Variants in GABRA2 observed in about 807,000 individuals in gnomAD.
GABRA2 encodes gamma-aminobutyric acid type A receptor subunit alpha2, also known as gamma-aminobutyric acid receptor subunit alpha-2.
A neutral mutation model predicts 48.7 loss-of-function variants in GABRA2; 16 were observed. The ratio of observed to expected loss-of-function variants is 0.33; its 90% CI spans 0.22 to 0.50. GABRA2 has a LOEUF of 0.50. GABRA2 is among the 20% of genes least tolerant of loss of function. GABRA2 has a pLI of 0.98. For synonymous variants in GABRA2, 185 were observed against 184.5 expected (o/e 1.00, Z -0.02); for missense variants, 275 against 535.6 (o/e 0.51, Z 4.80).
intron 8 of GABRA2, among the ~76,000 whole-genome samples, chr4:46,298,180 G>A (rs913164734): frequency 6.6e-6 from 1 of 151,992 alleles, no homozygotes; most frequent in African/African-American, 2.4e-5. Context: ...ATGTTTCATG[G>A]TTCATTTGAG....
At chr4:46,280,917 G>T (rs556678617) in intron 8 of GABRA2, among the ~76,000 whole-genome samples, 230 of 152,294 alleles carry the variant, frequency 1.5e-3, no homozygotes, top group Non-Finnish European at 1.6e-3. Flanking sequence ...AACATAGAGA[G>T]ATGGTGACCA....
chr4:46,380,977 A>G (rs1560608594), intron 3 of GABRA2, among the ~76,000 whole-genome samples: 1 of 152,212 alleles, frequency 6.6e-6, no homozygotes, highest in East Asian at 1.9e-4. Context: ...ATTTTTAAGC[A>G]TAAAGCATCT....
chr4:46,262,299 T>C (rs1717138094), intron 8 of GABRA2, among the ~76,000 whole-genome samples, 171 bp from the exon 9 acceptor site: 2 of 152,094 alleles, frequency 1.3e-5, no homozygotes, highest in African/African-American at 4.8e-5. Flanking sequence ...TAAAGTTAAT[T>C]ATCTTAAATG....
intron 8 of GABRA2, among the ~76,000 whole-genome samples, chr4:46,290,979 T>TACCACCAC (rs897589200): frequency 1.6e-4 from 24 of 152,362 alleles, no homozygotes; most frequent in African/African-American, 5.8e-4. Flanking sequence ...TGGTTGGATT[T>TACCACCAC]ACATTGCTTG....
rs200132457 is a variant in GABRA2, at chr4:46,249,981, G to A, written c.*327C>T. On this transcript the variant is annotated 3_prime_UTR_variant, in exon 10 of 10. Transcript: ENST00000381620. ...CCTACTTAAGAGCTAAACCAAAAGG[G>A]TCCACAAAGGGTTGTACAGGATCCC... 4.7e-6 allele frequency: 1 copy of A among 211,402 alleles called. No individual in the cohort carries two copies. The highest frequency in any genetic ancestry group is 9.5e-6 in the Non-Finnish European group (1 of 105,740). 13.1% of individuals were successfully genotyped at this position (211,402 alleles called of 1,614,324 possible).
At chr4:46,257,000 G>C (rs1040487443) in intron 9 of GABRA2, among the ~76,000 whole-genome samples, 3 of 151,546 alleles carry the variant, frequency 2.0e-5, no homozygotes, top group African/African-American at 4.8e-5. Context: ...GCAATCTCAA[G>C]GAATTAAAGT....
At chr4:46,338,637 A>G (rs1373473529) in intron 3 of GABRA2, among the ~76,000 whole-genome samples, 1 of 151,876 alleles carries the variant, frequency 6.6e-6, no homozygotes, top group Non-Finnish European at 1.5e-5. Context: ...TCTGTCGTCC[A>G]TATGTGTGCC....
At chr4:46,350,007 A>T (rs1188643690) in intron 3 of GABRA2, among the ~76,000 whole-genome samples, 1 of 151,912 alleles carries the variant, frequency 6.6e-6, no homozygotes, top group Non-Finnish European at 1.5e-5. Context: ...ACCACCTATT[A>T]AGCATTTACT....
Position 46,249,979 on chromosome 4 carries a change from G to T in GABRA2, c.*329C>A. 4.8e-6 allele frequency: 1 copy of T among 206,752 alleles called. No homozygotes were observed. The allele number at this position is 206,752 out of a possible 1,614,324, so 12.8% of individuals were successfully genotyped here. Reference sequence around the variant, plus strand: ...CCCCTACTTAAGAGCTAAACCAAAAGGGTCCACAAAGGGTTGTACAGGATC... The same window carrying T: ...CCCCTACTTAAGAGCTAAACCAAAATGGTCCACAAAGGGTTGTACAGGATC... On this transcript the variant is annotated 3_prime_UTR_variant, in exon 10 of 10. Coordinates refer to ENST00000381620, the MANE Select transcript of GABRA2 (RefSeq NM_000807.4).
At chr4:46,289,913 A>ATTTATTTATTTTTAATTT (rs1723279517) in intron 8 of GABRA2, among the ~76,000 whole-genome samples, 1 of 111,846 alleles carries the variant, frequency 8.9e-6, no homozygotes, top group African/African-American at 6.1e-5. Flanking sequence ...ATTTATTTTT[A>ATTTATTTATTTTTAATTT]TTTTTTTTTT....
chr4:46,276,321 G>C (rs1720498018), intron 8 of GABRA2, among the ~76,000 whole-genome samples: 2 of 151,974 alleles, frequency 1.3e-5, no homozygotes, highest in Non-Finnish European at 2.9e-5. Flanking sequence ...GGTTAACTAG[G>C]TTAATTTCCC....
At chr4:46,255,650 T>C (rs1228040435) in intron 9 of GABRA2, among the ~76,000 whole-genome samples, 1 of 151,658 alleles carries the variant, frequency 6.6e-6, no homozygotes, top group Non-Finnish European at 1.5e-5. Context: ...CCCACACAAA[T>C]TGATTTTCCA....
intron 8 of GABRA2, among the ~76,000 whole-genome samples, chr4:46,290,989 G>T (rs1174122885): frequency 2.0e-5 from 3 of 152,174 alleles, no homozygotes; most frequent in East Asian, 1.9e-4. Flanking sequence ...TACATTGCTT[G>T]TGTTTTGTTA....
chr4:46,388,904 C>T, intron 1 of GABRA2, 188 bp from the exon 2 acceptor site: 1 of 1,340,856 alleles, frequency 7.5e-7, no homozygotes, highest in Non-Finnish European at 9.6e-7. Context: ...CCCACCCCCA[C>T]CCTTTTCCTT....
intron 4 of GABRA2, among the ~76,000 whole-genome samples, chr4:46,328,599 C>T (rs1730797871): frequency 6.6e-6 from 1 of 150,750 alleles, no homozygotes; most frequent in East Asian, 1.9e-4. Flanking sequence ...AATAATATGG[C>T]TATGTTTTCC....
At chr4:46,303,756 A>G (rs1726157793) in intron 7 of GABRA2, 144 bp from the exon 8 acceptor site, 1 of 702,870 alleles carries the variant, frequency 1.4e-6, no homozygotes, top group African/African-American at 1.8e-5. Context: ...TATCACTTTT[A>G]AAAGCCTCCT....
chr4:46,325,077 A>G (rs1487606771), intron 4 of GABRA2, among the ~76,000 whole-genome samples: 1 of 152,112 alleles, frequency 6.6e-6, no homozygotes, highest in East Asian at 1.9e-4. Context: ...TCTACTAAAA[A>G]GTAGAATAGT....
chr4:46,290,075 C>A (rs1311202173), intron 8 of GABRA2, among the ~76,000 whole-genome samples: 2 of 132,496 alleles, frequency 1.5e-5, no homozygotes, highest in Non-Finnish European at 3.4e-5. Flanking sequence ...CCGTGCCCGG[C>A]TCATTTTTTG....
chr4:46,348,822 GC>G (rs1230028098), intron 3 of GABRA2, among the ~76,000 whole-genome samples: 2 of 151,380 alleles, frequency 1.3e-5, no homozygotes, highest in Non-Finnish European at 2.9e-5. Flanking sequence ...TATACCTAAT[GC>G]TGAATGACGA....
Sources: allele counts gnomAD v4.1 joint callset (sites outside exome capture counted in the v4.1 genomes callset), GRCh38; gene constraint gnomAD v4.1.1; transcripts MANE v1.5; gene names NCBI Gene and HGNC (gene_info 2026-07-23, HGNC 2026-07-21).